The following EGFL7 variants were observed in gnomAD, a reference collection of about 807,000 sequenced individuals.
The protein encoded by EGFL7 is epidermal growth factor-like protein 7.
Under a neutral mutation model 37.1 loss-of-function variants are expected in EGFL7, and 48 were observed. That is an observed-to-expected ratio of 1.29 (90% CI 1.03 to 1.65). EGFL7 has a LOEUF of 1.65. EGFL7 is among the 40% of genes most tolerant of loss of function. The probability of loss-of-function intolerance (pLI) is 0.00; values close to 1 mark genes in which losing one functional copy is unlikely to be tolerated. For missense variants in EGFL7, 384 were observed against 378.9 expected (o/e 1.01, Z -0.11); for synonymous variants, 180 against 156.8 (o/e 1.15, Z -1.10).
intron 2 of EGFL7, among the ~76,000 whole-genome samples, chr9:136,664,217 T>C (rs1845321386): frequency 6.6e-6 from 1 of 152,186 alleles, no homozygotes; most frequent in Admixed American, 6.5e-5. Flanking sequence ...TGCCAGGGGC[T>C]TCCAGGGCCC....
intron 10 of EGFL7, 78 bp downstream of exon 10, chr9:136,672,166 G>A (rs1845956847): frequency 2.5e-6 from 4 of 1,594,554 alleles, no homozygotes; most frequent in East Asian, 2.3e-5. Context: ...AGGCTTGGGG[G>A]TCGGGGGCGA....
At position 136,671,023 on chromosome 9, in the gene EGFL7, T is replaced by A. The variant is rs552831542; in HGVS notation, c.636+9T>A. The A allele has an allele frequency of 1.7e-4, 97 of 572,960 alleles. No homozygotes were observed. In the East Asian group the frequency reaches 2.8e-3, roughly 17 times the overall value. The allele number at this position is 572,960 out of a possible 1,614,324, so 35.5% of individuals were successfully genotyped here. On this transcript the variant is annotated intron_variant, in intron 9 of 10. Transcript: ENST00000308874. Reference sequence around the variant, plus strand: ...TGGACCTGCTGGAGGAGGTGAGGCATTGGTGGGGGGGGGGGGGGGCAGGCA... The same window carrying A: ...TGGACCTGCTGGAGGAGGTGAGGCAATGGTGGGGGGGGGGGGGGGCAGGCA...
Position 136,668,688 on chromosome 9 carries a change from A to T in EGFL7, c.197+15A>T, listed in dbSNP as rs759493745. 3 of 1,587,614 alleles carry T rather than the reference A, an allele frequency of 1.9e-6. No homozygotes were observed. The African/African-American group carries it at 4.0e-5, about 21-fold the overall frequency. Reference sequence around the variant, plus strand: ...AGCACCTACCGGTGAGTGCCCCACCACACCGAGCTCACCCAGCCCCAGCCT... The same window carrying T: ...AGCACCTACCGGTGAGTGCCCCACCTCACCGAGCTCACCCAGCCCCAGCCT... On this transcript the variant is annotated intron_variant, in intron 5 of 10. Coordinates refer to ENST00000308874, the MANE Select transcript of EGFL7 (RefSeq NM_016215.5).
At chr9:136,671,174 T>C (rs1039731084) in intron 9 of EGFL7, among the ~76,000 whole-genome samples, 160 bp downstream of exon 9, 4 of 70,834 alleles carry the variant, frequency 5.6e-5, no homozygotes, top group Non-Finnish European at 1.1e-4. Context: ...CTGGAGGAGG[T>C]GAGGCGTCGG....
chr9:136,663,333 C>T (rs1845262432), intron 1 of EGFL7, 75 bp from the exon 2 acceptor site: 1 of 152,522 alleles, frequency 6.6e-6, no homozygotes, highest in Non-Finnish European at 1.5e-5. Context: ...CCAATCCAGT[C>T]TGCTGACTCC....
At position 136,666,910 on chromosome 9, in the gene EGFL7, G is replaced by A. The variant is rs1229505322; in HGVS notation, c.-42-1331G>A. Among the ~76,000 whole-genome samples, 1 of 151,702 alleles carries A rather than the reference G, an allele frequency of 6.6e-6. No homozygotes were observed. The highest frequency in any genetic ancestry group is 1.5e-5 in the Non-Finnish European group (1 of 67,916). On this transcript the variant is annotated intron_variant, in intron 3 of 10. Transcript: ENST00000308874. The surrounding 1 kb of genome is among the most constrained non-coding windows in gnomAD (Gnocchi z 6.8). Reference sequence around the variant, plus strand: ...ACTCCTGCCCAAAAACTGCTGTGATGCCCCCCCTGCCCCCAAGCTAAGTCC... The same window carrying A: ...ACTCCTGCCCAAAAACTGCTGTGATACCCCCCCTGCCCCCAAGCTAAGTCC...
At position 136,672,399 on chromosome 9, in the gene EGFL7, C is replaced by G; in HGVS notation, c.*113C>G. On this transcript the variant is annotated 3_prime_UTR_variant, in exon 11 of 11. Transcript: ENST00000308874. ...ACCTCGGGGTGACTGAGCGGAAGGC[C>G]AGGCAGGGCCTTCCTCCTCTTCCTC... 7.5e-7 allele frequency: 1 copy of G among 1,329,604 alleles called. No individual in the cohort carries two copies. Among genetic ancestry groups the G allele is most frequent in the African/African-American group, 1.4e-5 (1 of 69,030 alleles). 82.4% of individuals were successfully genotyped at this position (1,329,604 alleles called of 1,614,324 possible). A position where few individuals can be genotyped will look rare whatever the true frequency, so the allele number is the denominator to read the frequency against.
intron 4 of EGFL7, 26 bp downstream of exon 4, chr9:136,668,388 G>A: frequency 6.4e-7 from 1 of 1,564,046 alleles, no homozygotes; most frequent in Non-Finnish European, 8.7e-7. Flanking sequence ...GCCTGGGAGT[G>A]CTGGGGTGGG....
At chr9:136,661,879 C>T (rs948971710), upstream of EGFL7, among the ~76,000 whole-genome samples, 3 of 152,190 alleles carry the variant, frequency 2.0e-5, no homozygotes, top group African/African-American at 4.8e-5. Context: ...GGCATCAGGC[C>T]GACAGGGGCT....
chr9:136,669,937 A>G lies in EGFL7; in HGVS notation c.337A>G (p.Asn113Asp). 1 of 1,605,100 alleles carries G rather than the reference A, an allele frequency of 6.2e-7. No homozygotes were observed. The highest frequency in any genetic ancestry group is 8.5e-7 in the Non-Finnish European group (1 of 1,176,572). ...AGCAATATGCCAGCCGCCATGCCGG[A>G]ACGGAGGGAGCTGTGTCCAGCCTGG... ...GAAICQPPCR[N>D]GGSCVQPGRC... Residue 113 changes from asparagine (N) to aspartate (D), a missense_variant, in exon 7 of 11, where the codon AAC (asparagine) becomes GAC (aspartate). Coordinates refer to ENST00000308874, the MANE Select transcript of EGFL7 (RefSeq NM_016215.5).
rs1410945736 is a variant in EGFL7, at chr9:136,666,126, C to T, written c.-43+1341C>T. On this transcript the variant is annotated intron_variant, in intron 3 of 10. Transcript: ENST00000308874. The surrounding 1 kb of genome is among the most constrained non-coding windows in gnomAD (Gnocchi z 6.8). ...GGTCGCCGCGGCCCCTCGTCCGACCCGGCGCGACTCAGCGCCTCGGGGCCC... is the reference window on the plus strand; with the variant it reads ...GGTCGCCGCGGCCCCTCGTCCGACCTGGCGCGACTCAGCGCCTCGGGGCCC... Among the ~76,000 whole-genome samples, 1 of 148,362 alleles carries T rather than the reference C, an allele frequency of 6.7e-6. No homozygotes were observed. The highest frequency in any genetic ancestry group is 1.5e-5 in the Non-Finnish European group (1 of 66,548).
At chr9:136,670,728 T>C (rs1053021066) in intron 8 of EGFL7, 4 of 755,834 alleles carry the variant, frequency 5.3e-6, no homozygotes, top group Non-Finnish European at 9.9e-6. Context: ...TTGACCTCCC[T>C]CAGCGTGGCC....
At chr9:136,670,432 G>A in intron 8 of EGFL7, 102 bp downstream of exon 8, 2 of 1,368,326 alleles carry the variant, frequency 1.5e-6, no homozygotes. Context: ...CTGGGCGGAA[G>A]GCGGTGGGGA....
At position 136,669,666 on chromosome 9, in the gene EGFL7, C is replaced by T. The variant is rs370521182; in HGVS notation, c.258C>T (p.Tyr86=). 13 of 1,609,972 alleles carry T rather than the reference C, an allele frequency of 8.1e-6. No individual in the cohort carries two copies. Among genetic ancestry groups the T allele is most frequent in the Admixed American group, 5.0e-5 (3 of 59,728 alleles). The part of the protein sequence containing the change: ...SPGLAPARPR[Y]ACCPGWKRTS... The stretch of plus-strand genomic sequence containing the variant: ...GGCTGGCCCCTGCCAGGCCTCGCTA[C>T]GCGTGCTGCCCCGGCTGGAAGAGGA... The change falls in exon 6 of 11, where the codon TAC becomes TAT. Residue 86 remains tyrosine, a synonymous_variant. Transcript: ENST00000308874.
chr9:136,664,514 C>T (rs1845339242), intron 2 of EGFL7, among the ~76,000 whole-genome samples, 178 bp from the exon 3 acceptor site: 1 of 152,236 alleles, frequency 6.6e-6, no homozygotes, highest in Admixed American at 6.5e-5. Flanking sequence ...TCCGAGAGGA[C>T]AATCAGCTCA....
At chr9:136,667,036 C>A (rs1285316541) in intron 3 of EGFL7, among the ~76,000 whole-genome samples, 1 of 152,192 alleles carries the variant, frequency 6.6e-6, no homozygotes, top group Admixed American at 6.5e-5. Flanking sequence ...GGAAGGACCC[C>A]CAGCCACCCT....
chr9:136,662,636 C>T (rs913452013), upstream of EGFL7, among the ~76,000 whole-genome samples: 2 of 152,196 alleles, frequency 1.3e-5, no homozygotes, highest in African/African-American at 4.8e-5. Flanking sequence ...TTGCGTCCTC[C>T]ACCCCACACT....
chr9:136,668,297 G>A lies in EGFL7; in HGVS notation c.15G>A (p.Gln5=). 2.5e-6 allele frequency: 4 copies of A among 1,607,568 alleles called. No individual in the cohort carries two copies. Among genetic ancestry groups the A allele is most frequent in the Non-Finnish European group, 3.4e-6 (4 of 1,177,606 alleles). MRGS[Q]EVLLMWLLVL... ...AGGCACAGGCCATGAGGGGCTCTCA[G>A]GAGGTGCTGCTGATGTGGCTTCTGG... The change falls in exon 4 of 11, where the codon CAG becomes CAA. Residue 5 remains glutamine (Q), a synonymous_variant. Coordinates refer to ENST00000308874, the MANE Select transcript of EGFL7 (RefSeq NM_016215.5).
At position 136,670,195 on chromosome 9, in the gene EGFL7, G is replaced by A. The variant is rs989522226; in HGVS notation, c.436G>A (p.Gly146Ser). The change falls in exon 8 of 11, where the codon GGC (glycine) becomes AGC (serine). Residue 146 changes from glycine to serine, a missense_variant. By Grantham distance (56) the Gly-to-Ser change is moderately conservative. Coordinates refer to ENST00000308874, the MANE Select transcript of EGFL7 (RefSeq NM_016215.5). ...SDVDECSARR[G>S]GCPQRCVNTA... ...TGTGGATGAATGCAGTGCTAGGAGG[G>A]GCGGCTGTCCCCAGCGCTGCGTCAA... 6 of 1,612,534 alleles carry A rather than the reference G, an allele frequency of 3.7e-6. No homozygotes were observed. The highest frequency in any genetic ancestry group is 2.2e-5 in the East Asian group (1 of 44,900).
Sources: gnomAD v4.1 joint callset for allele counts (sites outside exome capture counted in the v4.1 genomes callset) on GRCh38, gnomAD v4.1.1 for gene constraint, Gnocchi (gnomAD v3.1) non-coding constraint, MANE v1.5 for transcripts, NCBI Gene and HGNC (gene_info 2026-07-23, HGNC 2026-07-21) for gene names.